The following ADCY5 variants were observed in gnomAD, a reference collection of about 807,000 sequenced individuals.
The protein encoded by ADCY5 is adenylate cyclase type 5.
A neutral mutation model predicts 119.7 loss-of-function variants in ADCY5; 30 were observed. The observed-to-expected ratio is 0.25, with a 90% CI of 0.19 to 0.34. ADCY5 has a LOEUF of 0.34. ADCY5 is among the 10% of genes least tolerant of loss of function. The pLI is 1.00. For synonymous variants in ADCY5, 753 were observed against 762.2 expected, an observed-to-expected ratio of 0.99 and a Z score of 0.20; for missense variants, 1,324 against 1,775.2, an observed-to-expected ratio of 0.75 and a Z score of 4.57.
intron 12 of ADCY5, among the ~76,000 whole-genome samples, chr3:123,305,590 G>A (rs1221780606): frequency 6.6e-6 from 1 of 152,152 alleles, no homozygotes; most frequent in Non-Finnish European, 1.5e-5. Context: ...GCTGCTGTCT[G>A]TAACATGAGT....
chr3:123,286,538 A>T lies in ADCY5; in HGVS notation c.3657+147T>A. ...CACAATTGTGTTCTCCAAGCTTCCA[A>T]GACATCAGCGTCAACAGCCCCATCA... is the stretch of plus-strand genomic sequence containing the variant. On this transcript the variant is annotated intron_variant, in intron 20 of 20. Coordinates refer to ENST00000462833, the MANE Select transcript of ADCY5 (RefSeq NM_183357.3). This position sits in a 1 kb window ranked among gnomAD's most constrained non-coding sequence, Gnocchi z 4.2. 1.7e-6 allele frequency: 2 copies of T among 1,163,112 alleles called. No homozygotes were observed. The highest frequency in any genetic ancestry group is 4.9e-5 in the East Asian group (2 of 40,464). 72.0% of individuals were successfully genotyped at this position (1,163,112 alleles called of 1,614,324 possible). A position where few individuals can be genotyped will look rare whatever the true frequency, so the allele number is the denominator to read the frequency against.
intron 17 of ADCY5, among the ~76,000 whole-genome samples, chr3:123,293,680 C>G (rs1409173085): frequency 6.6e-6 from 1 of 152,012 alleles, no homozygotes; most frequent in Non-Finnish European, 1.5e-5. Flanking sequence ...AAGCACGGAA[C>G]AGGGAAGGCT....
rs1938519205 is a variant in ADCY5 at position 123,283,582 on chromosome 3, G to C, written c.*1026C>G. 6.6e-6 allele frequency: 1 copy of C among 152,150 alleles called. No homozygotes were observed. Among genetic ancestry groups the C allele is most frequent in the Admixed American group, 6.5e-5 (1 of 15,272 alleles). 9.4% of individuals were successfully genotyped at this position (152,150 alleles called of 1,614,324 possible). On this transcript the variant is annotated 3_prime_UTR_variant, in exon 21 of 21. Coordinates refer to ENST00000462833, the MANE Select transcript of ADCY5 (RefSeq NM_183357.3). The stretch of plus-strand genomic sequence containing the variant: ...CCAAAAGCACACACCCACTGCTCTG[G>C]TGGTACCTTGGAAAACCCAAAACTG...
At chr3:123,415,637 C>T (rs1437087938) in intron 1 of ADCY5, among the ~76,000 whole-genome samples, 1 of 152,166 alleles carries the variant, frequency 6.6e-6, no homozygotes, top group Non-Finnish European at 1.5e-5. Context: ...GGAGCTCCAA[C>T]CAGAGAGAAG....
intron 3 of ADCY5, among the ~76,000 whole-genome samples, chr3:123,334,175 G>A (rs1388736574): frequency 6.6e-6 from 1 of 152,164 alleles, no homozygotes; most frequent in Non-Finnish European, 1.5e-5. Flanking sequence ...GCAGCCAGGA[G>A]CTAAGCGGGA....
rs1945134884 is a variant in ADCY5 at position 123,414,326 on chromosome 3, C to T, written c.1134+33086G>A. Among the ~76,000 whole-genome samples the T allele has an allele frequency of 3.9e-5, 6 of 152,324 alleles. No homozygotes were observed. In the South Asian group the frequency reaches 1.2e-3, roughly 32 times the overall value. On this transcript the variant is annotated intron_variant, in intron 1 of 20. Coordinates refer to ENST00000462833, the MANE Select transcript of ADCY5 (RefSeq NM_183357.3). ...GTGCAGCTCTGTGGGACCCTTTATCCTCTCTAAGCCTTTTTTTCTAAACTG... is the reference window on the plus strand; with the variant it reads ...GTGCAGCTCTGTGGGACCCTTTATCTTCTCTAAGCCTTTTTTTCTAAACTG...
intron 12 of ADCY5, among the ~76,000 whole-genome samples, chr3:123,306,451 C>A (rs2108280540): frequency 6.6e-6 from 1 of 152,244 alleles, no homozygotes; most frequent in East Asian, 1.9e-4. Context: ...ACAAGTAGAC[C>A]TTTGTGACTT....
At chr3:123,313,290 T>C (rs936941691) in intron 12 of ADCY5, among the ~76,000 whole-genome samples, 2 of 150,664 alleles carry the variant, frequency 1.3e-5, no homozygotes, top group African/African-American at 4.9e-5. Flanking sequence ...CTCTGGAGGG[T>C]GGAGAGAGAA....
chr3:123,349,978 C>A (rs1233774834), intron 2 of ADCY5, among the ~76,000 whole-genome samples: 1 of 152,236 alleles, frequency 6.6e-6, no homozygotes, highest in African/African-American at 2.4e-5. Context: ...TTTCCGTGAC[C>A]TGACTCCTCC....
chr3:123,424,688 C>T (rs1945366657), intron 1 of ADCY5, among the ~76,000 whole-genome samples: 1 of 152,216 alleles, frequency 6.6e-6, no homozygotes, highest in Non-Finnish European at 1.5e-5. Context: ...GCTTCTCCTT[C>T]TCCACCCCAT....
chr3:123,414,935 T>C (rs1423601377), intron 1 of ADCY5, among the ~76,000 whole-genome samples: 1 of 152,176 alleles, frequency 6.6e-6, no homozygotes, highest in Non-Finnish European at 1.5e-5. Flanking sequence ...CTAAGTAACC[T>C]GCCCAAGGTT....
chr3:123,428,638 T>C (rs1465975871), intron 1 of ADCY5, among the ~76,000 whole-genome samples: 1 of 152,184 alleles, frequency 6.6e-6, no homozygotes, highest in East Asian at 1.9e-4. Flanking sequence ...CAGAGGGGCC[T>C]GGGACTCCCC....
chr3:123,432,304 T>G (rs565663511), intron 1 of ADCY5, among the ~76,000 whole-genome samples: 1 of 152,194 alleles, frequency 6.6e-6, no homozygotes, highest in Non-Finnish European at 1.5e-5. Flanking sequence ...ACTTGCCTCT[T>G]GTCAAGTCTT....
intron 1 of ADCY5, among the ~76,000 whole-genome samples, chr3:123,422,488 C>T (rs1184038198): frequency 6.6e-6 from 1 of 152,222 alleles, no homozygotes. Flanking sequence ...GTTGCCATCA[C>T]TTCTCCAAGG....
At position 123,300,172 on chromosome 3, in the gene ADCY5, G is replaced by A. The variant is rs1939759887; in HGVS notation, c.2848C>T (p.Pro950Ser). The change falls in exon 15 of 21, where the codon CCA (proline) becomes TCA (serine). Residue 950 changes from proline to serine, a missense_variant. Physicochemically the swap from Pro to Ser is moderately conservative, Grantham distance 74 (BLOSUM62 -1). This residue lies in a region of ADCY5 where 424 missense variants were observed against 546.8 expected (regional missense o/e 0.78). Coordinates refer to ENST00000462833, the MANE Select transcript of ADCY5 (RefSeq NM_183357.3). ...ELIYVLIVEV[P>S]GVTLFDNADL... ...GCGTTGTCGAAGAGCGTGACACCTG[G>A]CACCTCCACGATGAGCACGTAGATG... 6.2e-7 allele frequency: 1 copy of A among 1,613,872 alleles called. No homozygotes were observed. The highest frequency in any genetic ancestry group is 8.5e-7 in the Non-Finnish European group (1 of 1,180,036).
At chr3:123,308,189 A>G (rs1940314241) in intron 12 of ADCY5, among the ~76,000 whole-genome samples, 1 of 150,642 alleles carries the variant, frequency 6.6e-6, no homozygotes, top group African/African-American at 2.4e-5. Context: ...GCCCACCACC[A>G]CGCCCGGCTA....
At chr3:123,319,644 G>A (rs1175432989) in intron 10 of ADCY5, 30 bp downstream of exon 10, 5 of 1,610,320 alleles carry the variant, frequency 3.1e-6, no homozygotes, top group Non-Finnish European at 3.4e-6. Context: ...GTTCAGCACA[G>A]GGGCCTCCTT....
At chr3:123,382,075 T>C (rs1266878700) in intron 1 of ADCY5, among the ~76,000 whole-genome samples, 1 of 152,214 alleles carries the variant, frequency 6.6e-6, no homozygotes, top group Non-Finnish European at 1.5e-5. Flanking sequence ...ACTGGCCTTC[T>C]TGTTCTTCTG....
At chr3:123,379,274 T>C (rs1194519836) in intron 1 of ADCY5, among the ~76,000 whole-genome samples, 5 of 152,148 alleles carry the variant, frequency 3.3e-5, no homozygotes, top group Non-Finnish European at 7.3e-5. Flanking sequence ...CATTCTCACC[T>C]GGTCCTTTGC....
Sources: gnomAD v4.1 joint callset for allele counts (sites outside exome capture counted in the v4.1 genomes callset) on GRCh38, gnomAD v4.1.1 for gene constraint, gnomAD v4.1.1 regional missense constraint, Gnocchi (gnomAD v3.1) non-coding constraint, MANE v1.5 for transcripts, NCBI Gene and HGNC (gene_info 2026-07-23, HGNC 2026-07-21) for gene names.